DHX37: variants seen among roughly 807,000 people sequenced by gnomAD.
DHX37 encodes the protein probable ATP-dependent RNA helicase DHX37.
Under a neutral mutation model 134.3 loss-of-function variants are expected in DHX37, and 52 were observed. The ratio of observed to expected loss-of-function variants is 0.39; its 90% CI spans 0.31 to 0.49. The LOEUF is 0.49. Among genes scored for constraint, DHX37 ranks in the 20% least tolerant of loss-of-function variants. DHX37 has a pLI of 0.93. For missense variants in DHX37, 1,344 were observed against 1,580.8 expected (o/e 0.85, Z 2.54); for synonymous variants, 634 against 670.7 (o/e 0.95, Z 0.85).
intron 15 of DHX37, among the ~76,000 whole-genome samples, chr12:124,963,716 A>C (rs1014495123): frequency 1.6e-4 from 24 of 148,608 alleles, no homozygotes; most frequent in African/African-American, 5.4e-4. Context: ...AAAAATACAA[A>C]AAAAAAAAAA....
chr12:124,973,278 C>A (rs1466802898), intron 6 of DHX37, among the ~76,000 whole-genome samples: 3 of 151,964 alleles, frequency 2.0e-5, no homozygotes, highest in Non-Finnish European at 4.4e-5. Context: ...TAGCCGGGCA[C>A]CTGCAATTCC....
intron 7 of DHX37, among the ~76,000 whole-genome samples, chr12:124,972,175 C>A (rs899046965): frequency 5.3e-5 from 8 of 152,218 alleles, no homozygotes; most frequent in Non-Finnish European, 1.0e-4. Flanking sequence ...AGTACACCCC[C>A]GGCAAGGCGT....
chr12:124,947,608 C>G lies in DHX37; in HGVS notation c.*194G>C. 1 of 641,742 alleles carries G rather than the reference C, an allele frequency of 1.6e-6. No homozygotes were observed. The highest frequency in any genetic ancestry group is 2.6e-6 in the Non-Finnish European group (1 of 389,692). The allele number at this position is 641,742 out of a possible 1,614,324, so 39.8% of individuals were successfully genotyped here. A position where few individuals can be genotyped will look rare whatever the true frequency, so the allele number is the denominator to read the frequency against. ...AATAAACAGTTCAAAAAGTCACCCC[C>G]GGGCCAGATGGCACGGGCGGCAGCA... is the stretch of plus-strand genomic sequence containing the variant. On this transcript the variant is annotated 3_prime_UTR_variant, in exon 27 of 27. Transcript: ENST00000308736.
At chr12:124,953,651 C>G in intron 20 of DHX37, 1 of 707,608 alleles carries the variant, frequency 1.4e-6, no homozygotes, top group Non-Finnish European at 2.2e-6. Context: ...GAGCGACGAC[C>G]TGGTGGGGGA....
chr12:124,949,909 G>A lies in DHX37; in HGVS notation c.3290+77C>T. 4.1e-6 allele frequency: 6 copies of A among 1,459,108 alleles called. No individual in the cohort carries two copies. The highest frequency in any genetic ancestry group is 4.7e-6 in the Non-Finnish European group (5 of 1,069,642). The allele number at this position is 1,459,108 out of a possible 1,614,324, so 90.4% of individuals were successfully genotyped here. On this transcript the variant is annotated intron_variant, in intron 25 of 26. Transcript: ENST00000308736. This position sits in a 1 kb window ranked among gnomAD's most constrained non-coding sequence, Gnocchi z 4.0. ...TAAGCCTCCCTGTGTGTGGTGCTTT[G>A]TCCTGGCAGCCCCGGGGAGGTCATT...
At chr12:124,967,023 C>T in intron 11 of DHX37, 100 bp downstream of exon 11, 1 of 1,538,638 alleles carries the variant, frequency 6.5e-7, no homozygotes, top group Admixed American at 1.7e-5. Flanking sequence ...GCTGATGCTT[C>T]CAGAGAGAAG....
chr12:124,969,496 G>A (rs1463901416), intron 8 of DHX37, among the ~76,000 whole-genome samples: 1 of 152,026 alleles, frequency 6.6e-6, no homozygotes, highest in Non-Finnish European at 1.5e-5. Context: ...CCCAGCACAG[G>A]CCCCTCTCTT....
At chr12:124,966,665 G>C in intron 12 of DHX37, 128 bp downstream of exon 12, 3 of 1,000,866 alleles carry the variant, frequency 3.0e-6, no homozygotes, top group Non-Finnish European at 4.5e-6. Flanking sequence ...TGCCTGACCA[G>C]GAACTGGATT....
rs762902496 is a variant in DHX37, at chr12:124,953,864, C to T, written c.2695+16G>A. 11 of 1,606,852 alleles carry T rather than the reference C, an allele frequency of 6.8e-6. No homozygotes were observed. The highest frequency in any genetic ancestry group is 3.3e-5 in the South Asian group (3 of 90,688). On this transcript the variant is annotated intron_variant, in intron 20 of 26. Coordinates refer to ENST00000308736, the MANE Select transcript of DHX37 (RefSeq NM_032656.4). ...TTGCCCGCCGGGTGCAGCGGCGTGCCGGCACGGGGCCGTACCTGCGGTGGT... is the reference window on the plus strand; with the variant it reads ...TTGCCCGCCGGGTGCAGCGGCGTGCTGGCACGGGGCCGTACCTGCGGTGGT...
In DHX37 at chr12:124,965,816, C is replaced by A; in HGVS notation, c.1591-4G>T. The A allele has an allele frequency of 1.9e-6, 3 of 1,612,472 alleles. No individual in the cohort carries two copies. In the South Asian group the frequency reaches 3.3e-5, roughly 18 times the overall value. ...CCAAGTTGATCTGGGGCAGCACCTA[C>A]GGCGAACAAGACATAGACACCTGGG... is the stretch of plus-strand genomic sequence containing the variant. On this transcript the variant is annotated splice_region_variant and splice_polypyrimidine_tract_variant and intron_variant, in intron 12 of 26. Coordinates refer to ENST00000308736, the MANE Select transcript of DHX37 (RefSeq NM_032656.4).
At chr12:124,976,858 A>G (rs963101862) in intron 5 of DHX37, among the ~76,000 whole-genome samples, 3 of 141,794 alleles carry the variant, frequency 2.1e-5, no homozygotes, top group Non-Finnish European at 4.6e-5. Context: ...AAGAAAAAAG[A>G]AAAAAAAAAG....
intron 3 of DHX37, among the ~76,000 whole-genome samples, chr12:124,981,989 G>A (rs1954770335): frequency 1.3e-5 from 2 of 151,862 alleles, no homozygotes; most frequent in African/African-American, 4.8e-5. Context: ...CGGGCTTGGT[G>A]GTGCATGCCT....
intron 16 of DHX37, among the ~76,000 whole-genome samples, chr12:124,959,617 A>G (rs1954185461): frequency 6.6e-6 from 1 of 152,232 alleles, no homozygotes; most frequent in Non-Finnish European, 1.5e-5. Flanking sequence ...AATAAAGTAC[A>G]GGATGTTATG....
rs560455685 is a variant in DHX37 at position 124,949,901 on chromosome 12, G to A, written c.3290+85C>T. On this transcript the variant is annotated intron_variant, in intron 25 of 26. Coordinates refer to ENST00000308736, the MANE Select transcript of DHX37 (RefSeq NM_032656.4). The surrounding 1 kb of genome is among the most constrained non-coding windows in gnomAD (Gnocchi z 4.0). Reference sequence around the variant, plus strand: ...TGATGTTTTAAGCCTCCCTGTGTGTGGTGCTTTGTCCTGGCAGCCCCGGGG... The same window carrying A: ...TGATGTTTTAAGCCTCCCTGTGTGTAGTGCTTTGTCCTGGCAGCCCCGGGG... The A allele has an allele frequency of 6.9e-4, 965 of 1,392,664 alleles. No homozygotes were observed. The highest frequency in any genetic ancestry group is 9.0e-4 in the Non-Finnish European group (909 of 1,012,490). 86.3% of individuals were successfully genotyped at this position (1,392,664 alleles called of 1,614,324 possible).
chr12:124,973,213 T>G (rs989434757), intron 6 of DHX37, among the ~76,000 whole-genome samples: 1 of 151,158 alleles, frequency 6.6e-6, no homozygotes, highest in East Asian at 1.9e-4. Flanking sequence ...AGGTGAGGAG[T>G]TCAAGACCAG....
chr12:124,953,887 G>T lies in DHX37; in HGVS notation c.2688C>A (p.Thr896=). The part of the protein sequence containing the change: ...MEIRRLRGQL[T]TAVNAVCPEA... Reference sequence around the variant, plus strand: ...GCCGGCACGGGGCCGTACCTGCGGTGGTCAGCTGGCCCCGCAGGCGCCGGA... The same window carrying T: ...GCCGGCACGGGGCCGTACCTGCGGTTGTCAGCTGGCCCCGCAGGCGCCGGA... Residue 896 remains threonine, a synonymous_variant, in exon 20 of 27, where the codon ACC becomes ACA. Transcript: ENST00000308736. 1 of 1,611,400 alleles carries T rather than the reference G, an allele frequency of 6.2e-7. No homozygotes were observed. The highest frequency in any genetic ancestry group is 1.1e-5 in the South Asian group (1 of 90,934).
chr12:124,960,239 G>A, intron 16 of DHX37, 73 bp downstream of exon 16: 1 of 1,559,546 alleles, frequency 6.4e-7, no homozygotes, highest in South Asian at 1.2e-5. Flanking sequence ...ACCCAGCTCT[G>A]GGCTCCCTGC....
intron 15 of DHX37, 126 bp downstream of exon 15, chr12:124,964,268 C>A: frequency 6.9e-7 from 1 of 1,445,086 alleles, no homozygotes; most frequent in Non-Finnish European, 9.2e-7. Context: ...ACCCCAAAGT[C>A]ACAGGGGCCC....
At chr12:124,971,014 A>G (rs4765194) in intron 8 of DHX37, among the ~76,000 whole-genome samples, 143,895 of 152,332 alleles carry the variant, frequency 0.94, 68,120 homozygotes, top group South Asian at 0.99. Context: ...TGCGCCTGGC[A>G]AGGCATCAAC....
Sources: allele counts gnomAD v4.1 joint callset (sites outside exome capture counted in the v4.1 genomes callset), GRCh38; gene constraint gnomAD v4.1.1; non-coding constraint Gnocchi (gnomAD v3.1); transcripts MANE v1.5; gene names NCBI Gene and HGNC (gene_info 2026-07-23, HGNC 2026-07-21).